The following DIPK1A variants were observed in gnomAD, a reference collection of about 807,000 sequenced individuals.
The protein encoded by DIPK1A is divergent protein kinase domain 1A, also known as family with sequence similarity 69 member A.
Under a neutral mutation model 40.8 loss-of-function variants are expected in DIPK1A, and 27 were observed. The observed-to-expected ratio is 0.66, with a 90% confidence interval of 0.49 to 0.91. The LOEUF (loss-of-function observed/expected upper bound fraction) is 0.91, where lower values mean the gene tolerates loss of function less well. Among genes scored for constraint, DIPK1A ranks in the 40% least tolerant of loss-of-function variants. DIPK1A has a pLI of 0.00. For synonymous variants in DIPK1A, 166 were observed against 171.3 expected (o/e 0.97, Z 0.24); for missense variants, 412 against 505.7 (o/e 0.81, Z 1.78).
At chr1:92,943,414 C>T (rs1333287252) in intron 1 of DIPK1A, among the ~76,000 whole-genome samples, 1 of 151,996 alleles carries the variant, frequency 6.6e-6, no homozygotes, top group Non-Finnish European at 1.5e-5. Flanking sequence ...CTCTGGGCTC[C>T]GAGCCAACAG....
intron 1 of DIPK1A, among the ~76,000 whole-genome samples, chr1:92,898,598 C>T (rs531419174): frequency 6.6e-4 from 100 of 152,216 alleles, no homozygotes; most frequent in African/African-American, 2.1e-3. Context: ...TCTCAGCCTC[C>T]TGAGTAGCTG....
intron 1 of DIPK1A, among the ~76,000 whole-genome samples, chr1:92,907,203 T>C (rs1649656273): frequency 1.3e-5 from 2 of 152,180 alleles, no homozygotes; most frequent in Non-Finnish European, 2.9e-5. Context: ...AAGTTAATCA[T>C]CACATGCCAC....
intron 4 of DIPK1A, among the ~76,000 whole-genome samples, chr1:92,846,841 A>ATATG (rs1557449927): frequency 0.014 from 28 of 2,062 alleles, 8 homozygotes; most frequent in African/African-American, 0.095. Context: ...ATATATATAT[A>ATATG]TGTGTGTATA....
At chr1:92,909,306 C>T (rs927657998) in intron 1 of DIPK1A, among the ~76,000 whole-genome samples, 3 of 152,010 alleles carry the variant, frequency 2.0e-5, no homozygotes, top group African/African-American at 4.8e-5. Context: ...ATATAAAACA[C>T]AAAATGCTAT....
rs561759849 is a variant in DIPK1A, at chr1:92,955,445, TC to T, written c.54+5930del. ...TGGGCACGGTGGCTCACGCCTGTAA[TC>T]CCAGCACTTTGGGAGGCCAAGGCAG... On this transcript the variant is annotated intron_variant, in intron 1 of 4. Transcript: ENST00000370310. 1.9e-3 allele frequency among the ~76,000 whole-genome samples: 285 copies of T among 152,252 alleles called. 1 individual carries two copies. Among genetic ancestry groups the T allele is most frequent in the African/African-American group, 6.4e-3 (266 of 41,532 alleles).
rs200740545 is a variant in DIPK1A at position 92,921,952 on chromosome 1, A to AT, written c.54+39423dup. Reference sequence around the variant, plus strand: ...ATTAAGACCTCACATTTATTTATTTATTTTTTTTTCCTGGTAGAGCAGTCA... The same window carrying AT: ...ATTAAGACCTCACATTTATTTATTTATTTTTTTTTTCCTGGTAGAGCAGTCA... On this transcript the variant is annotated intron_variant, in intron 1 of 4. Coordinates refer to ENST00000370310, the MANE Select transcript of DIPK1A (RefSeq NM_001006605.5). Among the ~76,000 whole-genome samples, 741 of 151,334 alleles carry AT rather than the reference A, an allele frequency of 4.9e-3. 8 individuals carry two copies. The highest frequency in any genetic ancestry group is 0.017 in the African/African-American group (692 of 41,270).
chr1:92,948,323 T>C (rs904014769), intron 1 of DIPK1A, among the ~76,000 whole-genome samples: 1 of 152,104 alleles, frequency 6.6e-6, no homozygotes, highest in Non-Finnish European at 1.5e-5. Flanking sequence ...CTAGAGCAAA[T>C]GGTACATGAG....
intron 1 of DIPK1A, among the ~76,000 whole-genome samples, chr1:92,900,264 G>C (rs1571107152): frequency 6.6e-6 from 1 of 151,970 alleles, no homozygotes; most frequent in Admixed American, 6.6e-5. Context: ...TTCACTTAAT[G>C]GTGTCCCATA....
chr1:92,870,284 G>A (rs182381895), intron 2 of DIPK1A, among the ~76,000 whole-genome samples: 1 of 152,216 alleles, frequency 6.6e-6, no homozygotes, highest in Admixed American at 6.5e-5. Context: ...GGAGTGCAGT[G>A]GTGCAATCTC....
chr1:92,836,554 T>A (rs1027863236), intron 4 of DIPK1A: 2 of 666,806 alleles, frequency 3.0e-6, no homozygotes, highest in Non-Finnish European at 5.3e-6. Context: ...GAAGGAATTA[T>A]AGCCCATTTT....
chr1:92,834,560 T>A (rs1383064795), intron 4 of DIPK1A, among the ~76,000 whole-genome samples: 1 of 152,234 alleles, frequency 6.6e-6, no homozygotes, highest in Non-Finnish European at 1.5e-5. Context: ...TTGCTGACTT[T>A]AGTTATGTTT....
rs1557502636 is a variant in DIPK1A, at chr1:92,959,902, A to ATTTTTTTTTTTTTTTTTTTTTT, written c.54+1473_54+1474insAAAAAAAAAAAAAAAAAAAAAA. ...AGCTGGGACCACAGGCACCCAACCA[A>ATTTTTTTTTTTTTTTTTTTTTT]CTTTTTTTTTTTTTTTTTTTTTTTT... On this transcript the variant is annotated intron_variant, in intron 1 of 4. Coordinates refer to ENST00000370310, the MANE Select transcript of DIPK1A (RefSeq NM_001006605.5). 9.1e-3 allele frequency among the ~76,000 whole-genome samples: 393 copies of ATTTTTTTTTTTTTTTTTTTTTT among 43,078 alleles called. 43 individuals are homozygous for ATTTTTTTTTTTTTTTTTTTTTT. The highest frequency in any genetic ancestry group is 0.013 in the Middle Eastern group (1 of 78). The allele number at this position is 43,078 out of a possible 152,430, so 28.3% of individuals were successfully genotyped here. A position where few individuals can be genotyped will look rare whatever the true frequency, so the allele number is the denominator to read the frequency against.
At chr1:92,866,505 G>A (rs1462324674) in intron 2 of DIPK1A, among the ~76,000 whole-genome samples, 3 of 152,042 alleles carry the variant, frequency 2.0e-5, no homozygotes, top group Non-Finnish European at 4.4e-5. Context: ...TTACATTTTT[G>A]TAGTACAACT....
At chr1:92,926,095 T>G (rs922477629) in intron 1 of DIPK1A, among the ~76,000 whole-genome samples, 11 of 152,302 alleles carry the variant, frequency 7.2e-5, no homozygotes, top group African/African-American at 2.6e-4. Flanking sequence ...GTCTTTACTT[T>G]CTTCTTTCTT....
chr1:92,957,840 G>A (rs1226550647), intron 1 of DIPK1A, among the ~76,000 whole-genome samples: 1 of 152,082 alleles, frequency 6.6e-6, no homozygotes, highest in East Asian at 1.9e-4. Context: ...ATCAATTTTA[G>A]AACATTTCTG....
At chr1:92,854,115 G>A (rs1571059163) in intron 2 of DIPK1A, among the ~76,000 whole-genome samples, 1 of 152,120 alleles carries the variant, frequency 6.6e-6, no homozygotes, top group Non-Finnish European at 1.5e-5. Flanking sequence ...TCAAATTCCT[G>A]GGCTCATGTA....
At chr1:92,946,882 G>T (rs1222664143) in intron 1 of DIPK1A, among the ~76,000 whole-genome samples, 1 of 151,436 alleles carries the variant, frequency 6.6e-6, no homozygotes, top group Non-Finnish European at 1.5e-5. Flanking sequence ...ATGTTGAAGC[G>T]GCAGTGAGCT....
chr1:92,865,006 C>T lies in DIPK1A; in HGVS notation c.189+11290G>A, dbSNP rs1229646545. On this transcript the variant is annotated intron_variant, in intron 2 of 4. Coordinates refer to ENST00000370310, the MANE Select transcript of DIPK1A (RefSeq NM_001006605.5). Reference sequence around the variant, plus strand: ...GCAATGAGCTGAGATTGCGCCACTGCACTCCAGCCTGGGCTACAGAGTGAG... The same window carrying T: ...GCAATGAGCTGAGATTGCGCCACTGTACTCCAGCCTGGGCTACAGAGTGAG... Among the ~76,000 whole-genome samples, 2 of 142,308 alleles carry T rather than the reference C, an allele frequency of 1.4e-5. 1 individual carries two copies. The highest frequency in any genetic ancestry group is 4.4e-4 in the South Asian group (2 of 4,548). The allele number at this position is 142,308 out of a possible 152,430, so 93.4% of individuals were successfully genotyped here. A position where few individuals can be genotyped will look rare whatever the true frequency, so the allele number is the denominator to read the frequency against.
intron 1 of DIPK1A, among the ~76,000 whole-genome samples, chr1:92,882,154 G>A (rs1471458227): frequency 2.6e-5 from 4 of 152,208 alleles, no homozygotes; most frequent in South Asian, 2.1e-4. Flanking sequence ...TTGGGAGGCC[G>A]AGGTGGGCAG....
Sources: allele counts gnomAD v4.1 joint callset (sites outside exome capture counted in the v4.1 genomes callset), GRCh38; gene constraint gnomAD v4.1.1; transcripts MANE v1.5; gene names NCBI Gene and HGNC (gene_info 2026-07-23, HGNC 2026-07-21).